Variants in SERPINI2 observed in about 807,000 individuals in gnomAD.
The protein encoded by SERPINI2 is serpin I2.
A neutral mutation model predicts 47.3 loss-of-function variants in SERPINI2; 48 were observed. That is an observed-to-expected ratio of 1.02 (90% CI 0.81 to 1.29). The LOEUF (loss-of-function observed/expected upper bound fraction) is 1.29. SERPINI2 is among the 50% of genes most tolerant of loss of function. The probability of loss-of-function intolerance (pLI) is 0.00; values close to 1 mark genes in which losing one functional copy is unlikely to be tolerated. For synonymous variants in SERPINI2, 135 were observed against 149.3 expected, an observed-to-expected ratio of 0.90 and a Z score of 0.70; for missense variants, 448 against 456.9, an observed-to-expected ratio of 0.98 and a Z score of 0.18.
intron 6 of SERPINI2, 107 bp downstream of exon 6, chr3:167,452,829 G>A (rs894843687): frequency 8.2e-6 from 5 of 612,070 alleles, no homozygotes; most frequent in African/African-American, 1.9e-5. Context: ...TTCACTGTGC[G>A]TATATTTATC....
intron 8 of SERPINI2, among the ~76,000 whole-genome samples, chr3:167,443,232 C>G (rs6783317): frequency 0.19 from 29,124 of 152,098 alleles, 3,525 homozygotes; most frequent in South Asian, 0.29. Flanking sequence ...CTCAGCCTCC[C>G]GAGTAGCTGG....
rs146751249 is a variant in SERPINI2 at position 167,453,491 on chromosome 3, G to C, written c.867-458C>G. 8.6e-3 allele frequency among the ~76,000 whole-genome samples: 1,306 copies of C among 152,308 alleles called. 7 individuals carry two copies. The highest frequency in any genetic ancestry group is 0.014 in the Non-Finnish European group (954 of 68,028). Reference sequence around the variant, plus strand: ...GAAGATTGTTAGCTATTAAGGAAGAGAGAAATATTTATAACCCATCATTCA... The same window carrying C: ...GAAGATTGTTAGCTATTAAGGAAGACAGAAATATTTATAACCCATCATTCA... On this transcript the variant is annotated intron_variant, in intron 5 of 8. Transcript: ENST00000264677.
Position 167,442,192 on chromosome 3 carries a change from A to G in SERPINI2, c.1142-7T>C, listed in dbSNP as rs9810473. On this transcript the variant is annotated splice_polypyrimidine_tract_variant and splice_region_variant and intron_variant, in intron 8 of 8. Coordinates refer to ENST00000264677, the Ensembl canonical transcript of SERPINI2. ...CCCATAAACAGAATTGATTCTAGGG[A>G]AAAAAAAACAAAAAAATATACTTTA... 175,978 of 1,530,250 alleles carry G rather than the reference A, an allele frequency of 0.12. 14,723 individuals are homozygous for G. The highest frequency in any genetic ancestry group is 0.42 in the African/African-American group (27,966 of 65,914). 94.8% of individuals were successfully genotyped at this position (1,530,250 alleles called of 1,614,324 possible).
chr3:167,456,321 G>A (rs567405541), intron 5 of SERPINI2, among the ~76,000 whole-genome samples: 4 of 151,974 alleles, frequency 2.6e-5, no homozygotes, highest in Non-Finnish European at 2.9e-5. Flanking sequence ...CAAAGTAAAC[G>A]AACATTTTGT....
intron 3 of SERPINI2, 81 bp from the exon 4 acceptor site, chr3:167,465,754 A>C (rs1750116251): frequency 8.0e-7 from 1 of 1,255,610 alleles, no homozygotes; most frequent in Non-Finnish European, 1.1e-6. Flanking sequence ...AATTAAAGCA[A>C]AAGTGTCTTT....
chr3:167,462,039 A>G (rs1392804960), intron 5 of SERPINI2, among the ~76,000 whole-genome samples: 1 of 152,176 alleles, frequency 6.6e-6, no homozygotes, highest in Non-Finnish European at 1.5e-5. Flanking sequence ...AGGGAGGTGT[A>G]AAGATAACTC....
intron 5 of SERPINI2, among the ~76,000 whole-genome samples, chr3:167,463,404 A>G (rs1299519034): frequency 6.6e-6 from 1 of 151,992 alleles, no homozygotes; most frequent in Non-Finnish European, 1.5e-5. Flanking sequence ...AACCAGAATA[A>G]CAGGGATATT....
intron 5 of SERPINI2, among the ~76,000 whole-genome samples, chr3:167,453,656 T>TGG (rs1221533452): frequency 6.1e-5 from 3 of 49,136 alleles, no homozygotes; most frequent in African/African-American, 2.1e-4. Flanking sequence ...ATTACAGGAG[T>TGG]GGGGGGGGGT....
chr3:167,442,110 C>T (rs760949124), exon 9 of SERPINI2: 1 of 1,593,436 alleles, frequency 6.3e-7, no homozygotes, highest in South Asian at 1.2e-5. Flanking sequence ...GCTTTTCATT[C>T]ACAGTGAATC....
At chr3:167,462,094 A>C (rs1749998885) in intron 5 of SERPINI2, among the ~76,000 whole-genome samples, 2 of 152,348 alleles carry the variant, frequency 1.3e-5, no homozygotes, top group Admixed American at 6.5e-5. Flanking sequence ...TGGTAGGCTA[A>C]GTATAACAAC....
chr3:167,460,208 T>A (rs1004169169), intron 5 of SERPINI2, among the ~76,000 whole-genome samples: 1 of 152,204 alleles, frequency 6.6e-6, no homozygotes, highest in African/African-American at 2.4e-5. Flanking sequence ...TCAAAATACT[T>A]AGTTATCAGT....
At chr3:167,473,053 G>A (rs977904781) in intron 1 of SERPINI2, among the ~76,000 whole-genome samples, 2 of 151,578 alleles carry the variant, frequency 1.3e-5, no homozygotes, top group Non-Finnish European at 3.0e-5. Flanking sequence ...AATGGTAGGA[G>A]TCCCTAAGAA....
intron 5 of SERPINI2, among the ~76,000 whole-genome samples, chr3:167,453,998 C>G (rs982062859): frequency 6.6e-6 from 1 of 152,202 alleles, no homozygotes; most frequent in Non-Finnish European, 1.5e-5. Flanking sequence ...TAATCTTAAA[C>G]AGGGAGCTAT....
At chr3:167,455,428 TC>T (rs1300267113) in intron 5 of SERPINI2, among the ~76,000 whole-genome samples, 2 of 152,082 alleles carry the variant, frequency 1.3e-5, no homozygotes, top group Non-Finnish European at 2.9e-5. Context: ...TATTGGCCCT[TC>T]CTTTCCCCTT....
At chr3:167,450,008 A>C (rs1032299657) in intron 6 of SERPINI2, among the ~76,000 whole-genome samples, 3 of 152,208 alleles carry the variant, frequency 2.0e-5, no homozygotes, top group African/African-American at 7.2e-5. Flanking sequence ...AGGGACAGAG[A>C]GCTTTTCCTC....
At chr3:167,469,000 G>A (rs371843076) in intron 2 of SERPINI2, among the ~76,000 whole-genome samples, 5 of 152,116 alleles carry the variant, frequency 3.3e-5, no homozygotes, top group African/African-American at 1.2e-4. Flanking sequence ...ATGTACTTAA[G>A]GTCTAAGTCT....
intron 5 of SERPINI2, among the ~76,000 whole-genome samples, chr3:167,455,292 C>A (rs904265995): frequency 4.6e-5 from 7 of 152,168 alleles, no homozygotes; most frequent in Admixed American, 2.6e-4. Flanking sequence ...GTAATTCACT[C>A]CCAAATGTAA....
chr3:167,451,882 T>C (rs1749650590), intron 6 of SERPINI2, among the ~76,000 whole-genome samples: 1 of 152,194 alleles, frequency 6.6e-6, no homozygotes, highest in Admixed American at 6.5e-5. Flanking sequence ...TTACAGAGCA[T>C]CCTGTTGCAG....
At chr3:167,465,483 T>A in exon 4 of SERPINI2, 12 of 1,612,996 alleles carry the variant, frequency 7.4e-6, no homozygotes, top group Non-Finnish European at 1.0e-5. Context: ...CATTACCATA[T>A]TTTGTTCTCA....
Sources: gnomAD v4.1 joint callset for allele counts (sites outside exome capture counted in the v4.1 genomes callset) on GRCh38, gnomAD v4.1.1 for gene constraint, MANE v1.5 for transcripts, NCBI Gene and HGNC (gene_info 2026-07-23, HGNC 2026-07-21) for gene names.